Variants in ACAT2 observed in about 807,000 individuals in gnomAD.
ACAT2 encodes the protein acetyl-CoA acetyltransferase 2, also known as acetyl-CoA acetyltransferase, cytosolic.
In ACAT2, 26 loss-of-function variants were observed where a neutral mutation model predicts 37.1. The observed-to-expected ratio is 0.70, with a 90% CI of 0.51 to 0.97. The LOEUF (loss-of-function observed/expected upper bound fraction) is 0.97. Among genes scored for constraint, ACAT2 ranks in the 50% least tolerant of loss-of-function variants. The probability of loss-of-function intolerance (pLI) is 0.00; values close to 1 mark genes in which losing one functional copy is unlikely to be tolerated. For missense variants in ACAT2, 468 were observed against 489.0 expected (o/e 0.96, Z 0.40); for synonymous variants, 156 against 163.6 (o/e 0.95, Z 0.35).
intron 4 of ACAT2, among the ~76,000 whole-genome samples, chr6:159,772,787 A>G (rs1444785326): frequency 6.6e-6 from 1 of 151,974 alleles, no homozygotes; most frequent in Non-Finnish European, 1.5e-5. Flanking sequence ...CAGCCTGGTC[A>G]ACATAGTGAG....
chr6:159,772,322 C>T (rs1780350320), intron 4 of ACAT2, among the ~76,000 whole-genome samples: 1 of 152,188 alleles, frequency 6.6e-6, no homozygotes, highest in Non-Finnish European at 1.5e-5. Flanking sequence ...ATAGCACTTA[C>T]ATGCTCTGAT....
chr6:159,763,293 C>T (rs1780189027), intron 2 of ACAT2, among the ~76,000 whole-genome samples: 1 of 152,182 alleles, frequency 6.6e-6, no homozygotes, highest in Admixed American at 6.5e-5. Flanking sequence ...TGGCTCCCGC[C>T]TGTAATCCCA....
At chr6:159,762,276 A>G in intron 1 of ACAT2, 134 bp downstream of exon 1, 4 of 1,293,872 alleles carry the variant, frequency 3.1e-6, no homozygotes, top group Admixed American at 2.7e-5. Flanking sequence ...GAGCCGCGGG[A>G]TCCCTGGAAC....
rs778202550 is a variant in ACAT2 at position 159,762,094 on chromosome 6, G to C, written c.7G>C (p.Ala3Pro). Residue 3 changes from alanine to proline, a missense_variant, in exon 1 of 9, where the codon GCA (alanine) becomes CCA (proline). Ala to Pro is a conservative substitution (Grantham distance 27). Coordinates refer to ENST00000367048, the MANE Select transcript of ACAT2 (RefSeq NM_005891.3). ...CGGCGGCAGGAGAAGCAAGATGAAT[G>C]CAGGCTCAGATCCTGTGGTCATCGT... is the stretch of plus-strand genomic sequence containing the variant. MN[A>P]GSDPVVIVSA... 6.2e-7 allele frequency: 1 copy of C among 1,613,184 alleles called. No individual in the cohort carries two copies. Among genetic ancestry groups the C allele is most frequent in the African/African-American group, 1.3e-5 (1 of 74,918 alleles).
Position 159,763,566 on chromosome 6 carries a change from A to G in ACAT2, c.190+513A>G, listed in dbSNP as rs866336597. On this transcript the variant is annotated intron_variant, in intron 2 of 8. Transcript: ENST00000367048. ...CAAACAAAAAGACTTAGCTTCATTAATATGCTTTTTGTGAATGAACTTAGA... is the reference window on the plus strand; with the variant it reads ...CAAACAAAAAGACTTAGCTTCATTAGTATGCTTTTTGTGAATGAACTTAGA... 4.7e-5 allele frequency among the ~76,000 whole-genome samples: 7 copies of G among 150,144 alleles called. No individual in the cohort carries two copies. In the South Asian group the frequency reaches 1.3e-3, roughly 27 times the overall value.
chr6:159,772,821 A>G (rs7759086), intron 4 of ACAT2, among the ~76,000 whole-genome samples: 105,923 of 151,348 alleles, frequency 0.7, 37,965 homozygotes, highest in South Asian at 0.78. Flanking sequence ...AAAAAAAAAA[A>G]AAAGAAAGAA....
At chr6:159,776,770 C>T (rs11758384) in intron 6 of ACAT2, among the ~76,000 whole-genome samples, 47,552 of 151,928 alleles carry the variant, frequency 0.31, 8,284 homozygotes, top group Non-Finnish European at 0.4. Flanking sequence ...CAGAGATCTC[C>T]CCTCCCCAAC....
At chr6:159,773,530 C>T (rs1780370153) in intron 4 of ACAT2, among the ~76,000 whole-genome samples, 1 of 152,154 alleles carries the variant, frequency 6.6e-6, no homozygotes, top group Admixed American at 6.5e-5. Flanking sequence ...TTCCACTTTC[C>T]TGTAGTGGAA....
rs1296932617 is a variant in ACAT2, at chr6:159,767,001, C to T, written c.191-4C>T. On this transcript the variant is annotated splice_region_variant and splice_polypyrimidine_tract_variant and intron_variant, in intron 2 of 8. Transcript: ENST00000367048. ...CTAAGAGTCCTCTGTGTTCCTCTTTCTAGGCTGTGGGCAGAATCCTGTTAG... is the reference window on the plus strand; with the variant it reads ...CTAAGAGTCCTCTGTGTTCCTCTTTTTAGGCTGTGGGCAGAATCCTGTTAG... The T allele has an allele frequency of 3.1e-6, 5 of 1,613,790 alleles. No individual in the cohort carries two copies. In the African/African-American group the frequency reaches 5.3e-5, roughly 17 times the overall value.
In ACAT2 at chr6:159,778,933, T is replaced by TG. The variant is rs1780502403; in HGVS notation, c.*104_*105insG. The TG allele has an allele frequency of 6.4e-7, 1 of 1,565,694 alleles. No individual in the cohort carries two copies. The highest frequency in any genetic ancestry group is 8.7e-7 in the Non-Finnish European group (1 of 1,151,328). ...CAAAGTACAGATGGAAACCATTTCCTACATCACAAAAACCCAAGTTTACAG... is the reference window on the plus strand; with the variant it reads ...CAAAGTACAGATGGAAACCATTTCCTGACATCACAAAAACCCAAGTTTACAG... On this transcript the variant is annotated 3_prime_UTR_variant, in exon 9 of 9. Transcript: ENST00000367048.
Position 159,777,577 on chromosome 6 carries a change from A to G in ACAT2, c.912+121A>G, listed in dbSNP as rs565357433. On this transcript the variant is annotated intron_variant, in intron 7 of 8. Transcript: ENST00000367048. The stretch of plus-strand genomic sequence containing the variant: ...AGAGTAACCAAGAGCATTTATTTCT[A>G]TTTTTGAGATAAGGTCTTGCTCTGT... The G allele has an allele frequency of 4.3e-5, 51 of 1,195,388 alleles. 1 individual carries two copies. The South Asian group carries it at 4.9e-4, about 11-fold the overall frequency. The allele number at this position is 1,195,388 out of a possible 1,614,324, so 74.0% of individuals were successfully genotyped here.
At position 159,765,685 on chromosome 6, in the gene ACAT2, C is replaced by A. The variant is rs200975439; in HGVS notation, c.191-1320C>A. On this transcript the variant is annotated intron_variant, in intron 2 of 8. Transcript: ENST00000367048. Reference sequence around the variant, plus strand: ...GACCTCAAGTAATGCGCCCCCCTCCCCCGGCCTCCCAAAGTGCTGGGATTA... The same window carrying A: ...GACCTCAAGTAATGCGCCCCCCTCCACCGGCCTCCCAAAGTGCTGGGATTA... Among the ~76,000 whole-genome samples the A allele has an allele frequency of 1.3e-4, 19 of 149,310 alleles. No homozygotes were observed. In the South Asian group the frequency reaches 1.3e-3, roughly 10 times the overall value.
At chr6:159,762,648 A>T in intron 1 of ACAT2, 1 of 1,448,100 alleles carries the variant, frequency 6.9e-7, no homozygotes, top group Non-Finnish European at 9.2e-7. Context: ...ATGGGGTCGC[A>T]TCCAGTCCTT....
chr6:159,765,793 A>G (rs1441020647), intron 2 of ACAT2, among the ~76,000 whole-genome samples: 4 of 152,256 alleles, frequency 2.6e-5, no homozygotes, highest in South Asian at 4.1e-4. Context: ...ATATGTTTTC[A>G]GTCTCAAGTA....
chr6:159,771,063 C>T (rs1780328319), intron 4 of ACAT2, among the ~76,000 whole-genome samples: 1 of 115,952 alleles, frequency 8.6e-6, no homozygotes, highest in Non-Finnish European at 1.8e-5. Context: ...AACTCTGTCT[C>T]AAAAAATTAA....
intron 2 of ACAT2, among the ~76,000 whole-genome samples, chr6:159,765,042 A>G (rs1200634019): frequency 4.6e-5 from 7 of 152,228 alleles, no homozygotes; most frequent in Admixed American, 4.6e-4. Flanking sequence ...TTCATATCAG[A>G]TAGAAATTCT....
At chr6:159,763,628 C>CTTT (rs1491465110) in intron 2 of ACAT2, among the ~76,000 whole-genome samples, 3 of 104,056 alleles carry the variant, frequency 2.9e-5, no homozygotes, top group Admixed American at 1.1e-4. Flanking sequence ...CTTTTCTTTT[C>CTTT]CTTTTTTTTT....
At position 159,768,501 on chromosome 6, in the gene ACAT2, T is replaced by C; in HGVS notation, c.373-10T>C. ...CTAAGCCTAAATCCATTTTTATTTC[T>C]GACTTCTAGGCTCCTCACTTGGCTT... On this transcript the variant is annotated splice_polypyrimidine_tract_variant and intron_variant, in intron 3 of 8. Transcript: ENST00000367048. 3 of 1,586,630 alleles carry C rather than the reference T, an allele frequency of 1.9e-6. No individual in the cohort carries two copies. The highest frequency in any genetic ancestry group is 2.6e-6 in the Non-Finnish European group (3 of 1,155,206).
At chr6:159,774,143 A>G (rs1026436352) in intron 4 of ACAT2, among the ~76,000 whole-genome samples, 4 of 152,244 alleles carry the variant, frequency 2.6e-5, no homozygotes, top group Non-Finnish European at 5.9e-5. Context: ...AAATCATACT[A>G]TCATTCAGTG....
Sources: gnomAD v4.1 joint callset for allele counts (sites outside exome capture counted in the v4.1 genomes callset) on GRCh38, gnomAD v4.1.1 for gene constraint, MANE v1.5 for transcripts, NCBI Gene and HGNC (gene_info 2026-07-23, HGNC 2026-07-21) for gene names.